Variants in SPAG16 observed in about 807,000 individuals in gnomAD.
The protein encoded by SPAG16 is sperm associated antigen 16, also known as sperm-associated antigen 16 protein.
In SPAG16, 86 loss-of-function variants were observed where a neutral mutation model predicts 80.4. The observed-to-expected ratio is 1.07, with a 90% CI of 0.90 to 1.28. SPAG16 has a LOEUF of 1.28. Among genes scored for constraint, SPAG16 ranks in the 50% most tolerant of loss-of-function variants. SPAG16 has a pLI of 0.00. For missense variants in SPAG16, 870 were observed against 765.3 expected (o/e 1.14, Z -1.61); for synonymous variants, 294 against 265.9 (o/e 1.11, Z -1.03).
At chr2:213,515,504 A>G (rs569576860) in intron 10 of SPAG16, among the ~76,000 whole-genome samples, 2 of 152,310 alleles carry the variant, frequency 1.3e-5, no homozygotes, top group East Asian at 3.9e-4. Flanking sequence ...GCGAGCATAA[A>G]GTATGTGAGT....
intron 1 of SPAG16, 143 bp from the exon 2 acceptor site, chr2:213,295,921 A>G (rs1218736219): frequency 3.4e-6 from 2 of 583,350 alleles, no homozygotes; most frequent in Non-Finnish European, 5.8e-6. Context: ...GGGAAGACAA[A>G]TTTTTTAAAG....
chr2:214,278,909 A>G (rs1011562172), intron 15 of SPAG16, among the ~76,000 whole-genome samples: 1 of 152,242 alleles, frequency 6.6e-6, no homozygotes, highest in Admixed American at 6.5e-5. Flanking sequence ...CTGTGATTAC[A>G]GACATTACCG....
At chr2:214,407,179 C>A (rs1380076994) in intron 15 of SPAG16, among the ~76,000 whole-genome samples, 1 of 151,826 alleles carries the variant, frequency 6.6e-6, no homozygotes, top group Non-Finnish European at 1.5e-5. Flanking sequence ...TGGTAAACTA[C>A]TCTGTTTTTA....
At position 213,926,567 on chromosome 2, in the gene SPAG16, A is replaced by G. The variant is rs144953946; in HGVS notation, c.1215-3393A>G. On this transcript the variant is annotated intron_variant, in intron 11 of 15. Transcript: ENST00000331683. ...TTTGCTGTTTCTCATATGCTATTTA[A>G]CCCATCCATTGATTTCTTAATTTCA... 4.6e-3 allele frequency among the ~76,000 whole-genome samples: 698 copies of G among 152,092 alleles called. 5 individuals are homozygous for G. Among genetic ancestry groups the G allele is most frequent in the African/African-American group, 0.016 (667 of 41,508 alleles).
At chr2:214,374,990 T>C (rs1326263533) in intron 15 of SPAG16, among the ~76,000 whole-genome samples, 1 of 152,166 alleles carries the variant, frequency 6.6e-6, no homozygotes, top group East Asian at 1.9e-4. Context: ...TGCTTTCAGA[T>C]ATTTAAAATA....
At chr2:213,938,543 G>C (rs1304005266) in intron 12 of SPAG16, among the ~76,000 whole-genome samples, 1 of 151,856 alleles carries the variant, frequency 6.6e-6, no homozygotes, top group African/African-American at 2.4e-5. Context: ...ATTTATTTAT[G>C]TGTTATCTAT....
intron 13 of SPAG16, among the ~76,000 whole-genome samples, chr2:214,033,731 T>G (rs2048540331): frequency 6.6e-6 from 1 of 152,198 alleles, no homozygotes; most frequent in Non-Finnish European, 1.5e-5. Flanking sequence ...AGAAATAGAC[T>G]TATATTTCTC....
chr2:214,066,758 G>A (rs2050549979), intron 13 of SPAG16, among the ~76,000 whole-genome samples: 1 of 152,058 alleles, frequency 6.6e-6, no homozygotes. Flanking sequence ...TAATGGAAAA[G>A]GAACATGTTA....
intron 14 of SPAG16, among the ~76,000 whole-genome samples, chr2:214,139,726 A>T (rs1479392091): frequency 6.6e-6 from 1 of 152,094 alleles, no homozygotes; most frequent in African/African-American, 2.4e-5. Flanking sequence ...GGCCTGGGTA[A>T]AGTCAAGCCT....
At chr2:213,330,237 A>C (rs1378516751) in intron 5 of SPAG16, among the ~76,000 whole-genome samples, 1 of 151,410 alleles carries the variant, frequency 6.6e-6, no homozygotes, top group African/African-American at 2.4e-5. Flanking sequence ...AGAATGATGG[A>C]TCCACCGACA....
intron 15 of SPAG16, among the ~76,000 whole-genome samples, chr2:214,273,769 G>A (rs1381593660): frequency 1.3e-5 from 2 of 152,094 alleles, no homozygotes; most frequent in African/African-American, 4.8e-5. Context: ...GGATTGCCTT[G>A]GCAATGCAGA....
chr2:213,689,708 T>G (rs891575294), intron 10 of SPAG16, among the ~76,000 whole-genome samples: 14 of 152,154 alleles, frequency 9.2e-5, no homozygotes, highest in Non-Finnish European at 2.1e-4. Context: ...GCTCTTTTCA[T>G]ATCCTTGGTT....
chr2:214,013,023 G>C (rs2047394252), intron 12 of SPAG16, among the ~76,000 whole-genome samples: 1 of 152,058 alleles, frequency 6.6e-6, no homozygotes, highest in Non-Finnish European at 1.5e-5. Context: ...CTGCTAGTCT[G>C]GGTAAAAAAT....
chr2:213,563,200 A>G (rs902191728), intron 10 of SPAG16, among the ~76,000 whole-genome samples: 17 of 152,248 alleles, frequency 1.1e-4, no homozygotes, highest in Middle Eastern at 3.4e-3. Flanking sequence ...TCATAATTAT[A>G]GTTTTACTTT....
At position 213,930,079 on chromosome 2, in the gene SPAG16, A is replaced by G; in HGVS notation, c.1334A>G (p.His445Arg). The G allele has an allele frequency of 1.9e-6, 3 of 1,613,998 alleles. No individual in the cohort carries two copies. The highest frequency in any genetic ancestry group is 2.5e-6 in the Non-Finnish European group (3 of 1,179,936). The change falls in exon 12 of 16, where the codon CAC becomes CGC. Residue 445 changes from histidine to arginine, a missense_variant. His to Arg is a conservative substitution (Grantham distance 29, BLOSUM62 0). Transcript: ENST00000331683. ...HSRAVWSCTW[H>R]SCGNFVASSS... ...CGCGCAGTGTGGTCCTGCACATGGCACTCCTGCGGCAATTTTGTGGCTTCC... is the reference window on the plus strand; with the variant it reads ...CGCGCAGTGTGGTCCTGCACATGGCGCTCCTGCGGCAATTTTGTGGCTTCC...
At chr2:214,161,611 T>G (rs59239191) in intron 15 of SPAG16, among the ~76,000 whole-genome samples, 1 of 151,868 alleles carries the variant, frequency 6.6e-6, no homozygotes, top group African/African-American at 2.4e-5. Flanking sequence ...TTTTGGGAAG[T>G]GTCTGTTGGA....
intron 10 of SPAG16, among the ~76,000 whole-genome samples, chr2:213,849,032 T>C (rs2074772419): frequency 6.6e-6 from 1 of 152,004 alleles, no homozygotes; most frequent in Non-Finnish European, 1.5e-5. Context: ...TACCTGAGGG[T>C]GGGTAATTTA....
chr2:213,286,187 C>CT (rs2062050466), intron 1 of SPAG16, among the ~76,000 whole-genome samples: 1 of 152,166 alleles, frequency 6.6e-6, no homozygotes, highest in Non-Finnish European at 1.5e-5. Flanking sequence ...CTTATTTGAA[C>CT]TTTAACACAT....
At position 214,015,091 on chromosome 2, in the gene SPAG16, T is replaced by TCC. The variant is rs747819002; in HGVS notation, c.1527+1016_1527+1017dup. 1.1e-4 allele frequency among the ~76,000 whole-genome samples: 16 copies of TCC among 152,272 alleles called. No individual in the cohort carries two copies. In the Middle Eastern group the frequency reaches 0.01, roughly 97 times the overall value. On this transcript the variant is annotated intron_variant, in intron 13 of 15. Transcript: ENST00000331683. ...GTATACATTCATGCCCCTTCATGGG[T>TCC]CCCATGTACCAAAAATGGCAGTTTT...
Sources: allele counts gnomAD v4.1 joint callset (sites outside exome capture counted in the v4.1 genomes callset), GRCh38; gene constraint gnomAD v4.1.1; transcripts MANE v1.5; gene names NCBI Gene and HGNC (gene_info 2026-07-23, HGNC 2026-07-21).